Variants in TOPAZ1 observed in about 807,000 individuals in gnomAD.
TOPAZ1 encodes testis and ovary specific TOPAZ 1.
TOPAZ1 carries 66 observed loss-of-function variants against 172.2 expected under a neutral mutation model. That is an observed-to-expected ratio of 0.38 (90% CI 0.31 to 0.47). The LOEUF (loss-of-function observed/expected upper bound fraction) is 0.47, where lower values mean the gene tolerates loss of function less well. Ranked by LOEUF, TOPAZ1 falls within the 20% of genes least tolerant of loss-of-function variation. The probability of loss-of-function intolerance (pLI) is 0.99; values close to 1 mark genes in which losing one functional copy is unlikely to be tolerated. For missense variants in TOPAZ1, 1,822 were observed against 1,972.4 expected, an observed-to-expected ratio of 0.92 and a Z score of 1.44; for synonymous variants, 681 against 683.9, an observed-to-expected ratio of 1.00 and a Z score of 0.07.
At chr3:44,334,102 G>A (rs1700698019), downstream of TOPAZ1, among the ~76,000 whole-genome samples, 1 of 152,134 alleles carries the variant, frequency 6.6e-6, no homozygotes. Context: ...CAAATTTGGG[G>A]GAAAGAAGCC....
chr3:44,254,328 T>C (rs1319542630), intron 2 of TOPAZ1, among the ~76,000 whole-genome samples: 1 of 152,108 alleles, frequency 6.6e-6, no homozygotes, highest in Non-Finnish European at 1.5e-5. Flanking sequence ...TACATATACA[T>C]GCTTAACAGT....
At chr3:44,283,814 A>G (rs899953959) in intron 9 of TOPAZ1, among the ~76,000 whole-genome samples, 1 of 152,332 alleles carries the variant, frequency 6.6e-6, no homozygotes, top group Non-Finnish European at 1.5e-5. Flanking sequence ...TGCACGCATC[A>G]TGGCCCTTTA....
chr3:44,272,954 A>G (rs1472095848), intron 8 of TOPAZ1, among the ~76,000 whole-genome samples: 1 of 152,226 alleles, frequency 6.6e-6, no homozygotes. Context: ...TATCAAATGT[A>G]TGGCTTGCAA....
At chr3:44,285,885 C>T (rs1367009685) in intron 9 of TOPAZ1, among the ~76,000 whole-genome samples, 3 of 151,308 alleles carry the variant, frequency 2.0e-5, no homozygotes, top group Non-Finnish European at 4.4e-5. Flanking sequence ...TCATTATTTT[C>T]AATGCAGATA....
intron 19 of TOPAZ1, among the ~76,000 whole-genome samples, chr3:44,329,479 G>A (rs1207649680): frequency 6.6e-6 from 1 of 152,186 alleles, no homozygotes; most frequent in Non-Finnish European, 1.5e-5. Flanking sequence ...CAGAATGAGT[G>A]ATCCAAGAAA....
intron 16 of TOPAZ1, among the ~76,000 whole-genome samples, chr3:44,315,200 CGT>C (rs71089096): frequency 0.36 from 53,281 of 149,908 alleles, 10,363 homozygotes; most frequent in African/African-American, 0.49. Flanking sequence ...TTTGAAAGAA[CGT>C]GTGTGTGTGT....
At chr3:44,289,006 CA>C (rs1354236798) in intron 11 of TOPAZ1, among the ~76,000 whole-genome samples, 1 of 152,074 alleles carries the variant, frequency 6.6e-6, no homozygotes, top group African/African-American at 2.4e-5. Flanking sequence ...TACCATACTC[CA>C]TGTATTTAAC....
At chr3:44,252,771 C>T (rs1470402326) in intron 2 of TOPAZ1, among the ~76,000 whole-genome samples, 1 of 152,028 alleles carries the variant, frequency 6.6e-6, no homozygotes, top group African/African-American at 2.4e-5. Context: ...ATGTGAGCCC[C>T]ACCTTGTACT....
At position 44,245,170 on chromosome 3, in the gene TOPAZ1, C is replaced by A; in HGVS notation, c.2664C>A (p.Val888=). The change falls in exon 2 of 20, where the codon GTC becomes GTA. Residue 888 remains valine (V), a synonymous_variant. Transcript: ENST00000309765. The stretch of plus-strand genomic sequence containing the variant: ...GGGAGCTCTCATTTACTTCTGAGGT[C>A]CCAAAGATAAGCCAGGAGCCCAATG... ...NEGELSFTSE[V]PKISQEPNVA... is the part of the protein sequence containing the mutation. 1 of 1,551,884 alleles carries A rather than the reference C, an allele frequency of 6.4e-7. No homozygotes were observed. Among genetic ancestry groups the A allele is most frequent in the East Asian group, 2.4e-5 (1 of 40,904 alleles).
chr3:44,260,702 C>T (rs1001949536), intron 4 of TOPAZ1, among the ~76,000 whole-genome samples: 11 of 152,130 alleles, frequency 7.2e-5, no homozygotes, highest in South Asian at 4.2e-4. Flanking sequence ...TTTGGTGTCA[C>T]GCTTAGGCTT....
At chr3:44,275,385 A>G (rs1699942488) in intron 8 of TOPAZ1, among the ~76,000 whole-genome samples, 1 of 152,142 alleles carries the variant, frequency 6.6e-6, no homozygotes, top group East Asian at 1.9e-4. Context: ...CTCTGTTTCT[A>G]TCATTCTACT....
intron 4 of TOPAZ1, among the ~76,000 whole-genome samples, chr3:44,260,553 T>C (rs1699764392): frequency 6.6e-6 from 1 of 152,074 alleles, no homozygotes; most frequent in Non-Finnish European, 1.5e-5. Context: ...AAATTTATCT[T>C]AGGGGAAGGA....
Position 44,262,424 on chromosome 3 carries a change from A to G in TOPAZ1, c.2961A>G (p.Arg987=), listed in dbSNP as rs1183269919. The G allele has an allele frequency of 6.7e-7, 1 of 1,482,150 alleles. No homozygotes were observed. The highest frequency in any genetic ancestry group is 2.5e-5 in the East Asian group (1 of 40,120). 91.8% of individuals were successfully genotyped at this position (1,482,150 alleles called of 1,614,324 possible). Residue 987 remains arginine (R), a synonymous_variant, in exon 5 of 20, where the codon AGA becomes AGG. Coordinates refer to ENST00000309765, the MANE Select transcript of TOPAZ1 (RefSeq NM_001145030.2). The part of the protein sequence containing the change: ...IKGSDLDEKH[R]FTDKVITKEE... ...TAACCATAATCTCTTCACAGCATAG[A>G]TTTACAGACAAAGTGATTACCAAAG...
intron 16 of TOPAZ1, among the ~76,000 whole-genome samples, chr3:44,316,192 G>T (rs566951802): frequency 3.9e-4 from 59 of 152,172 alleles, no homozygotes; most frequent in African/African-American, 1.4e-3. Flanking sequence ...TCTGCATTGA[G>T]CAGTGATCAT....
rs199685520 is a variant in TOPAZ1, at chr3:44,244,981, A to G, written c.2475A>G (p.Glu825=). Residue 825 remains glutamate, a synonymous_variant, in exon 2 of 20, where the codon GAA becomes GAG. Transcript: ENST00000309765. ...VEKSPSFCCN[E]QETFRPVSSE... The stretch of plus-strand genomic sequence containing the variant: ...AAAGTCCTTCCTTCTGCTGTAATGA[A>G]CAAGAAACATTCCGACCAGTGTCCA... The G allele has an allele frequency of 9.9e-5, 153 of 1,551,616 alleles. No individual in the cohort carries two copies. The highest frequency in any genetic ancestry group is 1.7e-5 in the Non-Finnish European group (20 of 1,147,008).
At chr3:44,261,512 C>T (rs930347932) in intron 4 of TOPAZ1, among the ~76,000 whole-genome samples, 8 of 151,958 alleles carry the variant, frequency 5.3e-5, no homozygotes, top group African/African-American at 9.7e-5. Context: ...TCTATTGGTC[C>T]GTGTATCTGT....
chr3:44,244,782 A>G lies in TOPAZ1; in HGVS notation c.2276A>G (p.Asp759Gly), dbSNP rs1017503988. 7 of 1,551,586 alleles carry G rather than the reference A, an allele frequency of 4.5e-6. No homozygotes were observed. Among genetic ancestry groups the G allele is most frequent in the Non-Finnish European group, 5.2e-6 (6 of 1,146,972 alleles). ...GTAACTCCAGTGCAAGCTAGTTCTG[A>G]CTCATTCTACAATAAGAAATCCTAT... ...NSVTPVQASS[D>G]SFYNKKSYSI... The change falls in exon 2 of 20, where the codon GAC (aspartate) becomes GGC (glycine). Residue 759 changes from aspartate to glycine, a missense_variant. Transcript: ENST00000309765.
Position 44,243,449 on chromosome 3 carries a change from GA to G in TOPAZ1, c.950del (p.Asn317IlefsTer5). ...TGGCTTGCTTTCCTGCCTTCAACAT[GA>G]AAAAAATAAATATTCAATAGAGGAG... ...TNGLLSCLQH[E>X]KNKYSIEESS... On this transcript the variant is annotated frameshift_variant, in exon 2 of 20. Transcript: ENST00000309765. LOFTEE classifies it high-confidence loss of function. The G allele has an allele frequency of 1.3e-6, 2 of 1,551,422 alleles. No homozygotes were observed. The highest frequency in any genetic ancestry group is 1.2e-5 in the South Asian group (1 of 83,964).
At chr3:44,332,981 G>GT (rs199938960), downstream of TOPAZ1, among the ~76,000 whole-genome samples, 80 of 147,432 alleles carry the variant, frequency 5.4e-4, no homozygotes, top group East Asian at 7.2e-3. Context: ...GTTTTTTGGT[G>GT]TTTTTTTTGT....
Sources: gnomAD v4.1 joint callset for allele counts (sites outside exome capture counted in the v4.1 genomes callset) on GRCh38, gnomAD v4.1.1 for gene constraint, MANE v1.5 for transcripts, NCBI Gene and HGNC (gene_info 2026-07-23, HGNC 2026-07-21) for gene names.